GRB10: variants seen among roughly 807,000 people sequenced by gnomAD.
GRB10 encodes the protein growth factor receptor bound protein 10, also known as growth factor receptor-bound protein 10.
A neutral mutation model predicts 80.9 loss-of-function variants in GRB10; 20 were observed. The observed-to-expected ratio is 0.25, with a 90% confidence interval of 0.17 to 0.36. GRB10 has a LOEUF of 0.36. GRB10 is among the 10% of genes least tolerant of loss of function. The pLI is 1.00. For missense variants in GRB10, 548 were observed against 747.7 expected, an observed-to-expected ratio of 0.73 and a Z score of 3.12; for synonymous variants, 291 against 291.5, an observed-to-expected ratio of 1.00 and a Z score of 0.02.
intron 3 of GRB10, chr7:50,747,740 T>G (rs921250449): frequency 1.3e-5 from 2 of 152,208 alleles, no homozygotes; most frequent in Admixed American, 1.3e-4. Context: ...CAGGCCTTGA[T>G]GGATGCTCAG....
chr7:50,673,224 G>C (rs1322947254), intron 6 of GRB10, among the ~76,000 whole-genome samples: 1 of 152,166 alleles, frequency 6.6e-6, no homozygotes, highest in African/African-American at 2.4e-5. Context: ...GGCCAGTGAG[G>C]GCAAGGGGCA....
At chr7:50,724,377 A>G (rs2068252264) in intron 4 of GRB10, among the ~76,000 whole-genome samples, 1 of 152,194 alleles carries the variant, frequency 6.6e-6, no homozygotes, top group Non-Finnish European at 1.5e-5. Flanking sequence ...ACACACCCAC[A>G]TTTTTATTCT....
intron 13 of GRB10, among the ~76,000 whole-genome samples, chr7:50,609,368 T>G (rs1162198655): frequency 1.3e-5 from 2 of 152,338 alleles, no homozygotes; most frequent in East Asian, 3.9e-4. Flanking sequence ...TGTGCCAGAT[T>G]AGACTCTGGG....
chr7:50,767,401 T>C (rs954039241), intron 2 of GRB10, among the ~76,000 whole-genome samples: 2 of 152,102 alleles, frequency 1.3e-5, no homozygotes, highest in African/African-American at 4.8e-5. Flanking sequence ...TGTTGTTTCC[T>C]GCCTCCAAAT....
intron 2 of GRB10, among the ~76,000 whole-genome samples, chr7:50,766,607 G>A (rs550753195): frequency 6.6e-6 from 1 of 152,088 alleles, no homozygotes; most frequent in East Asian, 1.9e-4. Flanking sequence ...GGAGTAAATA[G>A]TTTGGAGTGG....
At chr7:50,667,138 T>C (rs959825115) in intron 7 of GRB10, among the ~76,000 whole-genome samples, 7 of 151,998 alleles carry the variant, frequency 4.6e-5, no homozygotes, top group African/African-American at 1.7e-4. Context: ...TGGGCAAGAA[T>C]GATTTTTCCT....
At chr7:50,686,152 T>C (rs765533456) in intron 5 of GRB10, among the ~76,000 whole-genome samples, 6 of 152,094 alleles carry the variant, frequency 3.9e-5, no homozygotes, top group Non-Finnish European at 7.3e-5. Context: ...AGTGAAGGTA[T>C]TAGGAGGTGG....
chr7:50,656,859 A>T (rs1307111255), intron 7 of GRB10, among the ~76,000 whole-genome samples: 1 of 152,240 alleles, frequency 6.6e-6, no homozygotes, highest in Non-Finnish European at 1.5e-5. Flanking sequence ...AGCAACACAC[A>T]TCCTGAGCTA....
intron 5 of GRB10, among the ~76,000 whole-genome samples, chr7:50,690,957 C>T (rs973639121): frequency 2.0e-5 from 3 of 152,210 alleles, no homozygotes; most frequent in Non-Finnish European, 2.9e-5. Flanking sequence ...TTCAGTTCTG[C>T]TCCAAATAAG....
chr7:50,612,326 T>A (rs1417006052), intron 13 of GRB10, among the ~76,000 whole-genome samples: 1 of 152,166 alleles, frequency 6.6e-6, no homozygotes. Flanking sequence ...CAGGGGCAAT[T>A]CCCCATCCTC....
At chr7:50,745,884 T>C (rs1363484140) in intron 3 of GRB10, among the ~76,000 whole-genome samples, 5 of 152,242 alleles carry the variant, frequency 3.3e-5, no homozygotes, top group South Asian at 2.1e-4. Context: ...ACTTTCTAGA[T>C]GCTAAAGTAA....
chr7:50,606,451 G>A (rs2048542205), intron 13 of GRB10, 37 bp from the exon 14 acceptor site: 3 of 1,509,176 alleles, frequency 2.0e-6, no homozygotes, highest in Non-Finnish European at 2.8e-6. Context: ...ACCGGCCCGG[G>A]AGCCCCGAGG....
At chr7:50,632,819 T>C (rs993842458) in intron 7 of GRB10, among the ~76,000 whole-genome samples, 12 of 152,120 alleles carry the variant, frequency 7.9e-5, no homozygotes, top group African/African-American at 2.7e-4. Flanking sequence ...GAAAGGCAAC[T>C]GTGCTGCACA....
chr7:50,698,714 C>T (rs983431651), intron 5 of GRB10, among the ~76,000 whole-genome samples: 7 of 152,236 alleles, frequency 4.6e-5, no homozygotes, highest in East Asian at 3.8e-4. Context: ...AGAGGGATTG[C>T]TATCTGATAG....
chr7:50,601,891 C>CT (rs2047679222), intron 17 of GRB10, among the ~76,000 whole-genome samples: 1 of 152,170 alleles, frequency 6.6e-6, no homozygotes, highest in Non-Finnish European at 1.5e-5. Flanking sequence ...TCTAATACAT[C>CT]TTGTCACCCC....
chr7:50,648,838 C>A (rs544305259), intron 7 of GRB10, among the ~76,000 whole-genome samples: 1 of 152,142 alleles, frequency 6.6e-6, no homozygotes, highest in Non-Finnish European at 1.5e-5. Flanking sequence ...TCAGCTCTCC[C>A]GCTCCACTAG....
chr7:50,624,528 T>TA (rs1409624013), intron 8 of GRB10, among the ~76,000 whole-genome samples: 1 of 152,230 alleles, frequency 6.6e-6, no homozygotes, highest in Non-Finnish European at 1.5e-5. Flanking sequence ...CGTTAAGTGA[T>TA]ATGGTTGGGT....
chr7:50,631,680 G>A (rs1399826939), intron 7 of GRB10, among the ~76,000 whole-genome samples: 1 of 152,230 alleles, frequency 6.6e-6, no homozygotes, highest in African/African-American at 2.4e-5. Flanking sequence ...ATGAGGTTGT[G>A]CATGTGGATG....
intron 2 of GRB10, among the ~76,000 whole-genome samples, chr7:50,774,227 G>A (rs1476213958): frequency 1.3e-5 from 2 of 152,164 alleles, no homozygotes; most frequent in Admixed American, 6.5e-5. Context: ...GGGAGTGGGG[G>A]TATGATAGCT....
Sources: allele counts gnomAD v4.1 joint callset (sites outside exome capture counted in the v4.1 genomes callset), GRCh38; gene constraint gnomAD v4.1.1; transcripts MANE v1.5; gene names NCBI Gene and HGNC (gene_info 2026-07-23, HGNC 2026-07-21).